NDRG1: variants seen among roughly 807,000 people sequenced by gnomAD.
The protein encoded by NDRG1 is N-myc downstream regulated 1, also known as protein NDRG1.
NDRG1 carries 32 observed loss-of-function variants against 56.9 expected under a neutral mutation model. That is an observed-to-expected ratio of 0.56 (90% confidence interval 0.42 to 0.76). The LOEUF is 0.76. Ranked by LOEUF, NDRG1 falls within the 30% of genes least tolerant of loss-of-function variation. The pLI is 0.00. For missense variants in NDRG1, 507 were observed against 545.7 expected (o/e 0.93, Z 0.71); for synonymous variants, 211 against 204.1 (o/e 1.03, Z -0.29).
At chr8:133,264,502 T>C (rs1245364433) in intron 4 of NDRG1, 45 bp downstream of exon 4, 1 of 1,587,420 alleles carries the variant, frequency 6.3e-7, no homozygotes, top group Non-Finnish European at 8.7e-7. Flanking sequence ...TCCGCCACTC[T>C]CTTGGGAACC....
intron 1 of NDRG1, chr8:133,284,809 T>C (rs771354864): frequency 4.2e-5 from 19 of 456,818 alleles, no homozygotes; most frequent in Admixed American, 1.6e-4. Flanking sequence ...TAACAGAAGG[T>C]TGGTGATGCA....
intron 3 of NDRG1, among the ~76,000 whole-genome samples, chr8:133,275,836 G>A (rs1360751670): frequency 6.6e-6 from 1 of 152,164 alleles, no homozygotes; most frequent in Non-Finnish European, 1.5e-5. Flanking sequence ...GTAGGATGGG[G>A]ACAGGATCGC....
chr8:133,294,216 C>T (rs115705296), intron 1 of NDRG1, among the ~76,000 whole-genome samples: 121 of 152,304 alleles, frequency 7.9e-4, no homozygotes, highest in African/African-American at 2.4e-3. Flanking sequence ...TCCAACTGTC[C>T]GGGTTCAAAG....
At chr8:133,285,622 G>A (rs906220111) in intron 1 of NDRG1, among the ~76,000 whole-genome samples, 1 of 152,198 alleles carries the variant, frequency 6.6e-6, no homozygotes, top group Admixed American at 6.5e-5. Flanking sequence ...TCCACCCCGG[G>A]TCCATCCCTT....
At chr8:133,294,226 G>C (rs1858604050) in intron 1 of NDRG1, among the ~76,000 whole-genome samples, 1 of 152,222 alleles carries the variant, frequency 6.6e-6, no homozygotes, top group African/African-American at 2.4e-5. Flanking sequence ...CGGGTTCAAA[G>C]TCTGGCTCTC....
intron 3 of NDRG1, among the ~76,000 whole-genome samples, chr8:133,272,427 G>T (rs757223294): frequency 3.9e-5 from 6 of 152,232 alleles, no homozygotes; most frequent in African/African-American, 4.8e-5. Context: ...GCTCCCCACT[G>T]TTTCACAGAT....
At chr8:133,266,014 T>C (rs550703302) in intron 3 of NDRG1, among the ~76,000 whole-genome samples, 1 of 152,374 alleles carries the variant, frequency 6.6e-6, no homozygotes, top group Admixed American at 6.5e-5. Context: ...GGCAAGGCCA[T>C]CAGGCTGCTG....
intron 3 of NDRG1, among the ~76,000 whole-genome samples, chr8:133,279,089 C>T (rs963929481): frequency 2.6e-4 from 39 of 152,252 alleles, no homozygotes; most frequent in African/African-American, 7.7e-4. Context: ...AGGGTTTCTC[C>T]TTGTTGGCCA....
At chr8:133,296,134 C>A (rs1470987091) in intron 1 of NDRG1, among the ~76,000 whole-genome samples, 1 of 152,186 alleles carries the variant, frequency 6.6e-6, no homozygotes, top group Admixed American at 6.5e-5. Flanking sequence ...CAAGCCCAGC[C>A]CGAAATCTCC....
At chr8:133,269,085 C>T (rs954919281) in intron 3 of NDRG1, among the ~76,000 whole-genome samples, 13 of 152,218 alleles carry the variant, frequency 8.5e-5, no homozygotes, top group Non-Finnish European at 1.3e-4. Flanking sequence ...GAACCCATCC[C>T]GTGTCTTCTA....
At chr8:133,259,375 T>A in intron 5 of NDRG1, 145 bp from the exon 6 acceptor site, 1 of 752,060 alleles carries the variant, frequency 1.3e-6, no homozygotes, top group Non-Finnish European at 2.3e-6. Flanking sequence ...TCCCTTCGCA[T>A]CCTCCTTCCA....
rs778770054 is a variant in NDRG1, at chr8:133,239,076, G to C, written c.987C>G (p.Ala329=). The C allele has an allele frequency of 8.2e-6, 13 of 1,578,636 alleles. No individual in the cohort carries two copies. The highest frequency in any genetic ancestry group is 1.1e-5 in the Non-Finnish European group (13 of 1,162,810). The change falls in exon 16 of 16, where the codon GCC becomes GCG. Residue 329 remains alanine (A), a synonymous_variant. Coordinates refer to ENST00000323851, the MANE Select transcript of NDRG1 (RefSeq NM_006096.4). ...SMTRLMRSRT[A]SGSSVTSLDG... ...CCAGAGAAGTGACGCTGGAACCAGA[G>C]GCTGTGCGGGACCGCATCAGGCGGG...
chr8:133,244,295 A>G, intron 14 of NDRG1, 60 bp downstream of exon 14: 2 of 1,596,104 alleles, frequency 1.3e-6, no homozygotes, highest in African/African-American at 2.7e-5. Flanking sequence ...ACAGAGGCAC[A>G]TGCACTCCAC....
intron 6 of NDRG1, 182 bp downstream of exon 6, chr8:133,258,986 A>G: frequency 1.4e-6 from 1 of 697,178 alleles, no homozygotes; most frequent in Non-Finnish European, 2.6e-6. Flanking sequence ...TAGAGGAGAC[A>G]GACTAGAGCT....
In NDRG1 at chr8:133,254,578, T is replaced by A. The variant is rs369577648; in HGVS notation, c.555A>T (p.Gln185His). The A allele has an allele frequency of 1.9e-6, 3 of 1,613,986 alleles. No homozygotes were observed. The African/African-American group carries it at 4.0e-5, about 22-fold the overall frequency. The part of the protein sequence containing the change: ...WAASKISGWT[Q>H]ALPDMVVSHL... ...GGGACACCACCATGTCCGGCAGAGC[T>A]TGGGTCCATCCTGAGATCTGGAAAG... Residue 185 changes from glutamine (Q) to histidine (H), a missense_variant, in exon 9 of 16, where the codon CAA becomes CAT. Gln to His is a conservative substitution (Grantham distance 24, BLOSUM62 0). Coordinates refer to ENST00000323851, the MANE Select transcript of NDRG1 (RefSeq NM_006096.4).
intron 12 of NDRG1, among the ~76,000 whole-genome samples, chr8:133,247,264 T>C (rs1330600073): frequency 1.3e-5 from 2 of 152,210 alleles, no homozygotes; most frequent in African/African-American, 2.4e-5. Context: ...AAGAAACTCA[T>C]GGTTCACTAA....
At chr8:133,241,663 C>T (rs1322855604) in intron 15 of NDRG1, 3 of 372,070 alleles carry the variant, frequency 8.1e-6, no homozygotes, top group Non-Finnish European at 1.5e-5. Flanking sequence ...ACACCATCTT[C>T]ATCATCACTG....
intron 3 of NDRG1, among the ~76,000 whole-genome samples, chr8:133,274,216 C>A (rs879935668): frequency 6.6e-6 from 1 of 152,200 alleles, no homozygotes; most frequent in Non-Finnish European, 1.5e-5. Context: ...CTCTGGCAGG[C>A]GAGCTGTCTC....
At chr8:133,254,082 A>T (rs987160549) in intron 9 of NDRG1, among the ~76,000 whole-genome samples, 20 of 151,734 alleles carry the variant, frequency 1.3e-4, no homozygotes, top group African/African-American at 3.4e-4. Flanking sequence ...AGACCAAAAA[A>T]AAAAAAAAAA....
Sources: gnomAD v4.1 joint callset for allele counts (sites outside exome capture counted in the v4.1 genomes callset) on GRCh38, gnomAD v4.1.1 for gene constraint, MANE v1.5 for transcripts, NCBI Gene and HGNC (gene_info 2026-07-23, HGNC 2026-07-21) for gene names.